The following NRXN3 variants were observed in gnomAD, a reference collection of about 807,000 sequenced individuals.
The protein encoded by NRXN3 is neurexin 3.
Under a neutral mutation model 137.6 loss-of-function variants are expected in NRXN3, and 32 were observed. The ratio of observed to expected loss-of-function variants is 0.23; its 90% CI spans 0.18 to 0.31. The LOEUF is 0.31. Ranked by LOEUF, NRXN3 falls within the 10% of genes least tolerant of loss-of-function variation. NRXN3 has a pLI of 1.00. For missense variants in NRXN3, 1,574 were observed against 2,062.5 expected (o/e 0.76, Z 4.59); for synonymous variants, 798 against 784.5 (o/e 1.02, Z -0.29).
chr14:78,425,136 T>C (rs904089627), intron 4 of NRXN3, among the ~76,000 whole-genome samples: 1 of 152,230 alleles, frequency 6.6e-6, no homozygotes, highest in Non-Finnish European at 1.5e-5. Flanking sequence ...CAGTATCCAA[T>C]GTACTCAAGA....
rs2099132666 is a variant in NRXN3 at position 78,882,725 on chromosome 14, GA to G, written c.2275+72382del. Among the ~76,000 whole-genome samples the G allele has an allele frequency of 2.0e-5, 3 of 151,592 alleles. 1 individual carries two copies. The highest frequency in any genetic ancestry group is 2.0e-4 in the Admixed American group (3 of 15,256). On this transcript the variant is annotated intron_variant, in intron 10 of 20. Transcript: ENST00000335750. ...TGTCTCGGATGAGACTTTGGACTTG[GA>G]CTTTTGAGTTAATGCTGGAATAAGT...
At chr14:78,754,132 G>C (rs796770940) in intron 8 of NRXN3, among the ~76,000 whole-genome samples, 35 of 152,298 alleles carry the variant, frequency 2.3e-4, no homozygotes, top group African/African-American at 8.4e-4. Flanking sequence ...TTCGAGGTTA[G>C]GCGTTAGTTT....
chr14:79,089,124 T>C (rs2048682805), intron 15 of NRXN3, among the ~76,000 whole-genome samples: 1 of 152,156 alleles, frequency 6.6e-6, no homozygotes, highest in Admixed American at 6.6e-5. Flanking sequence ...CCACCTGTTT[T>C]GTCTCAGAGG....
intron 1 of NRXN3, among the ~76,000 whole-genome samples, chr14:78,204,328 T>A (rs1372132748): frequency 1.3e-5 from 2 of 152,046 alleles, no homozygotes; most frequent in Non-Finnish European, 2.9e-5. Flanking sequence ...TCTTCAGTGG[T>A]GTGAGGAAAA....
intron 4 of NRXN3, among the ~76,000 whole-genome samples, chr14:78,473,290 T>C (rs1179993657): frequency 6.6e-6 from 1 of 151,410 alleles, no homozygotes; most frequent in Non-Finnish European, 1.5e-5. Flanking sequence ...TAGTCCCAGC[T>C]ACTCGGGAGG....
Position 78,681,956 on chromosome 14 carries a change from C to T in NRXN3, c.1222-27261C>T, listed in dbSNP as rs375459121. On this transcript the variant is annotated intron_variant, in intron 6 of 20. Coordinates refer to ENST00000335750, the MANE Select transcript of NRXN3 (RefSeq NM_001330195.2). ...AACCTCGGCCCACTGCAACCTCTGC[C>T]TCCCGGGTTCAAGCAATTCTCCTGC... 5.4e-4 allele frequency among the ~76,000 whole-genome samples: 82 copies of T among 152,220 alleles called. 1 individual carries two copies. In the South Asian group the frequency reaches 7.5e-3, roughly 14 times the overall value.
chr14:78,464,640 A>G (rs980675156), intron 4 of NRXN3, among the ~76,000 whole-genome samples: 2 of 152,256 alleles, frequency 1.3e-5, no homozygotes, highest in African/African-American at 4.8e-5. Context: ...CAATTTGTAT[A>G]CATTGTAAAA....
At chr14:78,992,815 C>T (rs2099521627) in intron 15 of NRXN3, among the ~76,000 whole-genome samples, 1 of 152,118 alleles carries the variant, frequency 6.6e-6, no homozygotes, top group African/African-American at 2.4e-5. Flanking sequence ...GCTTCTGGTG[C>T]CCTGGAGAAG....
At chr14:78,348,240 A>G (rs542057297) in intron 4 of NRXN3, among the ~76,000 whole-genome samples, 8 of 152,292 alleles carry the variant, frequency 5.3e-5, no homozygotes, top group Non-Finnish European at 8.8e-5. Context: ...ATGCATTCAG[A>G]GGCTACGGTT....
At chr14:78,182,720 C>T (rs2059919122) in intron 1 of NRXN3, among the ~76,000 whole-genome samples, 1 of 152,192 alleles carries the variant, frequency 6.6e-6, no homozygotes, top group Non-Finnish European at 1.5e-5. Context: ...ATCCACCTGC[C>T]TCGGCCTCCC....
rs991444383 is a variant in NRXN3, at chr14:79,797,359, A to G, written c.4015-7753A>G. Among the ~76,000 whole-genome samples, 5 of 152,212 alleles carry G rather than the reference A, an allele frequency of 3.3e-5. No homozygotes were observed. The East Asian group carries it at 9.6e-4, about 29-fold the overall frequency. On this transcript the variant is annotated intron_variant, in intron 19 of 20. Transcript: ENST00000335750. ...GGGAAAGTAATAGCTGGAAGAACCCATGGCATAAACCTTGTAAGACAGTTT... is the reference window on the plus strand; with the variant it reads ...GGGAAAGTAATAGCTGGAAGAACCCGTGGCATAAACCTTGTAAGACAGTTT...
At chr14:79,827,509 G>A (rs868656860) in intron 20 of NRXN3, among the ~76,000 whole-genome samples, 3 of 152,036 alleles carry the variant, frequency 2.0e-5, no homozygotes, top group Non-Finnish European at 2.9e-5. Flanking sequence ...AGAAATACCC[G>A]AGACTGGGTA....
At chr14:79,461,780 C>G (rs2096345313) in intron 15 of NRXN3, among the ~76,000 whole-genome samples, 1 of 151,916 alleles carries the variant, frequency 6.6e-6, no homozygotes, top group South Asian at 2.1e-4. Context: ...AAGGATTTAC[C>G]AGTTTATAGT....
chr14:79,184,647 T>C (rs1201030593), intron 15 of NRXN3, among the ~76,000 whole-genome samples: 3 of 152,194 alleles, frequency 2.0e-5, no homozygotes, highest in Admixed American at 6.5e-5. Context: ...TACCCAAGTC[T>C]CACTACTGAG....
At chr14:78,802,985 C>G (rs1004503941) in intron 8 of NRXN3, among the ~76,000 whole-genome samples, 4 of 152,148 alleles carry the variant, frequency 2.6e-5, no homozygotes, top group Middle Eastern at 3.2e-3. Context: ...TCCTCTTTCC[C>G]TATTTGAATA....
intron 15 of NRXN3, among the ~76,000 whole-genome samples, chr14:79,031,992 C>CA: frequency 1.3e-5 from 2 of 152,042 alleles, no homozygotes; most frequent in East Asian, 3.9e-4. Flanking sequence ...CGGACTAAGA[C>CA]AAAAAACTGA....
At chr14:79,133,339 G>A (rs2057809103) in intron 15 of NRXN3, among the ~76,000 whole-genome samples, 1 of 151,846 alleles carries the variant, frequency 6.6e-6, no homozygotes, top group African/African-American at 2.4e-5. Flanking sequence ...CCCTCTAGAA[G>A]TTTATGTTAG....
At chr14:79,651,304 T>G (rs1042349844) in intron 16 of NRXN3, among the ~76,000 whole-genome samples, 1 of 152,154 alleles carries the variant, frequency 6.6e-6, no homozygotes, top group Non-Finnish European at 1.5e-5. Flanking sequence ...AGTGGTACTC[T>G]ACATTTTCAA....
intron 16 of NRXN3, among the ~76,000 whole-genome samples, chr14:79,656,428 T>A (rs2098505900): frequency 1.3e-5 from 2 of 152,160 alleles, no homozygotes; most frequent in Admixed American, 1.3e-4. Context: ...GAATGAGAAG[T>A]GGATGTTCCG....
Sources: gnomAD v4.1 joint callset for allele counts (sites outside exome capture counted in the v4.1 genomes callset) on GRCh38, gnomAD v4.1.1 for gene constraint, MANE v1.5 for transcripts, NCBI Gene and HGNC (gene_info 2026-07-23, HGNC 2026-07-21) for gene names.